Variants in OR52N2 observed in about 807,000 individuals in gnomAD.
OR52N2 encodes olfactory receptor 52N2.
For synonymous variants in OR52N2, 129 were observed against 72.0 expected, an observed-to-expected ratio of 1.79 and a Z score of -4.01; for missense variants, 326 against 196.6, an observed-to-expected ratio of 1.66 and a Z score of -3.94.
intron 1 of OR52N2, among the ~76,000 whole-genome samples, chr11:5,811,828 A>C (rs76357790): frequency 6.6e-6 from 1 of 152,238 alleles, no homozygotes; most frequent in African/African-American, 2.4e-5. Context: ...TGAGGGCATC[A>C]CTTCACCTCT....
chr11:5,820,193 G>A (rs1163820708), intron 1 of OR52N2, 89 bp from the exon 2 acceptor site: 9 of 663,028 alleles, frequency 1.4e-5, no homozygotes, highest in Admixed American at 2.4e-5. Context: ...GGTTATCAAT[G>A]TAAGGTGAAT....
Position 5,821,078 on chromosome 11 carries a change from G to A in OR52N2, c.743G>A (p.Cys248Tyr), listed in dbSNP as rs751167086. 1.9e-5 allele frequency: 15 copies of A among 780,874 alleles called. No individual in the cohort carries two copies. The highest frequency in any genetic ancestry group is 5.1e-5 in the Admixed American group (3 of 59,008). 48.4% of individuals were successfully genotyped at this position (780,874 alleles called of 1,614,324 possible). A position where few individuals can be genotyped will look rare whatever the true frequency, so the allele number is the denominator to read the frequency against. The stretch of plus-strand genomic sequence containing the variant: ...TTCAGCACCTGCACATCTCACATGT[G>A]TTCCATTGTGATCACCTATGTTGCT... ...KAFSTCTSHM[C>Y]SIVITYVAAF... Residue 248 changes from cysteine to tyrosine, a missense_variant, in exon 2 of 2, where the codon TGT becomes TAT. Cys to Tyr is a radical substitution (Grantham distance 194, BLOSUM62 -2). Coordinates refer to ENST00000317037, the MANE Select transcript of OR52N2 (RefSeq NM_001005174.3).
intron 1 of OR52N2, among the ~76,000 whole-genome samples, chr11:5,819,689 A>T: frequency 6.6e-6 from 1 of 152,206 alleles, no homozygotes; most frequent in Admixed American, 6.5e-5. Context: ...TAACTCATGT[A>T]TTCACTCATT....
rs553956209 is a variant in OR52N2 at position 5,820,277 on chromosome 11, C to T, written c.-54-5C>T. On this transcript the variant is annotated splice_region_variant and splice_polypyrimidine_tract_variant and intron_variant, in intron 1 of 1. Transcript: ENST00000317037. ...CGTCTCTAACTCTCCCTCTCCCTCT[C>T]CTAGGCAGAAAGCAATGGCTGCTAA... The T allele has an allele frequency of 1.3e-6, 1 of 754,448 alleles. No homozygotes were observed. Among genetic ancestry groups the T allele is most frequent in the East Asian group, 2.4e-5 (1 of 41,146 alleles). 46.7% of individuals were successfully genotyped at this position (754,448 alleles called of 1,614,324 possible). A position where few individuals can be genotyped will look rare whatever the true frequency, so the allele number is the denominator to read the frequency against.
chr11:5,820,364 C>T lies in OR52N2; in HGVS notation c.29C>T (p.Thr10Ile), dbSNP rs2134244256. 2 of 780,870 alleles carry T rather than the reference C, an allele frequency of 2.6e-6. No individual in the cohort carries two copies. Among genetic ancestry groups the T allele is most frequent in the East Asian group, 2.4e-5 (1 of 41,216 alleles). 48.4% of individuals were successfully genotyped at this position (780,870 alleles called of 1,614,324 possible). A position where few individuals can be genotyped will look rare whatever the true frequency, so the allele number is the denominator to read the frequency against. Residue 10 changes from threonine (T) to isoleucine (I), a missense_variant, in exon 2 of 2, where the codon ACC becomes ATC. Transcript: ENST00000317037. MSGDNSSSL[T>I]PGFFILNGVP... Reference sequence around the variant, plus strand: ...TCTGGGGACAACAGCTCCAGCCTGACCCCAGGATTCTTTATCTTGAATGGC... The same window carrying T: ...TCTGGGGACAACAGCTCCAGCCTGATCCCAGGATTCTTTATCTTGAATGGC...
intron 1 of OR52N2, among the ~76,000 whole-genome samples, chr11:5,816,755 TCTCAAACTCTTGGGCCCC>T (rs1846408082): frequency 6.6e-6 from 1 of 152,074 alleles, no homozygotes; most frequent in African/African-American, 2.4e-5. Context: ...TCCAGGCAGG[TCTCAAACTCTTGGGCCCC>T]CCAAAGTGCT....
chr11:5,815,484 T>C (rs1400343192), intron 1 of OR52N2, among the ~76,000 whole-genome samples: 2 of 152,048 alleles, frequency 1.3e-5, no homozygotes, highest in Non-Finnish European at 2.9e-5. Flanking sequence ...ACACTGGACA[T>C]CAGTAATCAT....
intron 1 of OR52N2, among the ~76,000 whole-genome samples, 186 bp from the exon 2 acceptor site, chr11:5,820,095 AT>A (rs1175699545): frequency 6.6e-6 from 1 of 152,186 alleles, no homozygotes; most frequent in Non-Finnish European, 1.5e-5. Context: ...GCAATGGCAC[AT>A]TGAGTAGTGG....
chr11:5,817,219 T>C (rs1846411600), intron 1 of OR52N2, among the ~76,000 whole-genome samples: 5 of 152,210 alleles, frequency 3.3e-5, no homozygotes, highest in Admixed American at 3.3e-4. Context: ...GGGAATGTTA[T>C]GACTATTTTC....
At position 5,819,648 on chromosome 11, in the gene OR52N2, T is replaced by TA. The variant is rs748926321; in HGVS notation, c.-54-633dup. On this transcript the variant is annotated intron_variant, in intron 1 of 1. Transcript: ENST00000317037. ...AGAAAAACATGATTTTGACATCAGA[T>TA]AGAGTTTGAGTATCAGACATACCAA... 1.1e-4 allele frequency among the ~76,000 whole-genome samples: 17 copies of TA among 152,312 alleles called. No homozygotes were observed. The East Asian group carries it at 2.7e-3, about 24-fold the overall frequency.
rs746188141 is a variant in OR52N2 at position 5,820,706 on chromosome 11, G to A, written c.371G>A (p.Arg124His). ...SGVLMLMALD[R>H]YVAICYPLRY... ...GTGCTCATGCTCATGGCCCTGGACC[G>A]CTATGTGGCCATCTGCTACCCCTTA... The change falls in exon 2 of 2, where the codon CGC becomes CAC. Residue 124 changes from arginine to histidine, a missense_variant. Physicochemically the swap from Arg to His is conservative, Grantham distance 29. Coordinates refer to ENST00000317037, the MANE Select transcript of OR52N2 (RefSeq NM_001005174.3). 1.5e-5 allele frequency: 12 copies of A among 791,814 alleles called. No individual in the cohort carries two copies. Among genetic ancestry groups the A allele is most frequent in the Middle Eastern group, 2.2e-4 (1 of 4,464 alleles). The allele number at this position is 791,814 out of a possible 1,614,324, so 49.0% of individuals were successfully genotyped here. A position where few individuals can be genotyped will look rare whatever the true frequency, so the allele number is the denominator to read the frequency against.
chr11:5,811,657 GAAGA>G (rs1367479850), intron 1 of OR52N2, among the ~76,000 whole-genome samples: 1 of 152,044 alleles, frequency 6.6e-6, no homozygotes, highest in Non-Finnish European at 1.5e-5. Flanking sequence ...AAAAAGAAGG[GAAGA>G]AAGAATGTAA....
chr11:5,814,732 T>C (rs1846388603), intron 1 of OR52N2, among the ~76,000 whole-genome samples: 1 of 152,170 alleles, frequency 6.6e-6, no homozygotes, highest in Non-Finnish European at 1.5e-5. Context: ...ATTCTACAAT[T>C]CATATGAAAT....
At position 5,820,783 on chromosome 11, in the gene OR52N2, A is replaced by G. The variant is rs569711659; in HGVS notation, c.448A>G (p.Thr150Ala). The G allele has an allele frequency of 1.3e-6, 1 of 771,828 alleles. No homozygotes were observed. Among genetic ancestry groups the G allele is most frequent in the Non-Finnish European group, 2.4e-6 (1 of 414,174 alleles). The allele number at this position is 771,828 out of a possible 1,614,324, so 47.8% of individuals were successfully genotyped here. A position where few individuals can be genotyped will look rare whatever the true frequency, so the allele number is the denominator to read the frequency against. The change falls in exon 2 of 2, where the codon ACC becomes GCC. Residue 150 changes from threonine (T) to alanine (A), a missense_variant. Physicochemically the swap from Thr to Ala is moderately conservative, Grantham distance 58. Coordinates refer to ENST00000317037, the MANE Select transcript of OR52N2 (RefSeq NM_001005174.3). ...TGTCATCGCCAAGGCTGGTCTTGCC[A>G]CCTTCTTGAGGAATGTGATGCTCAT... ...NPVIAKAGLATFLRNVMLIIP... is the reference protein window; with the variant it reads ...NPVIAKAGLAAFLRNVMLIIP...
chr11:5,814,692 A>C (rs1381329968), intron 1 of OR52N2, among the ~76,000 whole-genome samples: 1 of 152,216 alleles, frequency 6.6e-6, no homozygotes, highest in African/African-American at 2.4e-5. Context: ...CAAAATCCCA[A>C]TAATTAATTT....
rs372365838 is a variant in OR52N2 at position 5,821,319 on chromosome 11, T to G, written c.*18T>G. 4.1e-6 allele frequency: 3 copies of G among 740,702 alleles called. No homozygotes were observed. In the Admixed American group the frequency reaches 5.7e-5, roughly 14 times the overall value. The allele number at this position is 740,702 out of a possible 1,614,324, so 45.9% of individuals were successfully genotyped here. On this transcript the variant is annotated 3_prime_UTR_variant, in exon 2 of 2. Transcript: ENST00000317037. ...ACAAATGAAACATAGAATAGACATA[T>G]TGTTTCAGGTGGTGAGAAAATAATG...
intron 1 of OR52N2, among the ~76,000 whole-genome samples, chr11:5,812,967 A>T (rs574269154): frequency 8.5e-4 from 129 of 152,182 alleles, no homozygotes; most frequent in African/African-American, 3.0e-3. Flanking sequence ...CTGAAAAACC[A>T]ATGGATCAAA....
In OR52N2 at chr11:5,819,506, T is replaced by C. The variant is rs576447188; in HGVS notation, c.-54-776T>C. The stretch of plus-strand genomic sequence containing the variant: ...TAGAGAAGCCAAATTTTATACCTAA[T>C]TGAATTTAGATCTTTAGCAAAATCA... On this transcript the variant is annotated intron_variant, in intron 1 of 1. Transcript: ENST00000317037. Among the ~76,000 whole-genome samples, 192 of 152,326 alleles carry C rather than the reference T, an allele frequency of 1.3e-3. 1 individual carries two copies. Among genetic ancestry groups the C allele is most frequent in the Middle Eastern group, 3.4e-3 (1 of 294 alleles).
intron 1 of OR52N2, among the ~76,000 whole-genome samples, chr11:5,810,822 TG>T (rs1014306197): frequency 1.3e-5 from 2 of 152,154 alleles, no homozygotes; most frequent in Non-Finnish European, 2.9e-5. Context: ...TTGTTATTGT[TG>T]TTTTGCTTCA....
Sources: allele counts gnomAD v4.1 joint callset (sites outside exome capture counted in the v4.1 genomes callset), GRCh38; gene constraint gnomAD v4.1.1; transcripts MANE v1.5; gene names NCBI Gene and HGNC (gene_info 2026-07-23, HGNC 2026-07-21).